Variants in RNF220 observed in about 807,000 individuals in gnomAD.
RNF220 encodes ring finger protein 220, also known as E3 ubiquitin-protein ligase RNF220.
RNF220 carries 7 observed loss-of-function variants against 67.1 expected under a neutral mutation model. The ratio of observed to expected loss-of-function variants is 0.10; its 90% CI spans 0.06 to 0.20. RNF220 has a LOEUF of 0.20. Ranked by LOEUF, RNF220 falls within the 10% of genes least tolerant of loss-of-function variation. The pLI is 1.00. For missense variants in RNF220, 565 were observed against 740.3 expected, an observed-to-expected ratio of 0.76 and a Z score of 2.75; for synonymous variants, 270 against 283.2, an observed-to-expected ratio of 0.95 and a Z score of 0.47.
chr1:44,579,752 G>C (rs774540323), intron 2 of RNF220, among the ~76,000 whole-genome samples: 9 of 152,170 alleles, frequency 5.9e-5, no homozygotes, highest in Non-Finnish European at 1.2e-4. Context: ...TCCTGAAGAA[G>C]TTGTTCCAGG....
In RNF220 at chr1:44,417,053, A is replaced by G. The variant is rs1042665371; in HGVS notation, c.625+4331A>G. ...GGACTGGGGTGGGCAGGGACTCTAC[A>G]CTGGGCTTTTAGGAGAGTTGTTCTT... On this transcript the variant is annotated intron_variant, in intron 2 of 14. Coordinates refer to ENST00000361799, the MANE Select transcript of RNF220 (RefSeq NM_018150.4). This position sits in a 1 kb window ranked among gnomAD's most constrained non-coding sequence, Gnocchi z 4.0. 6.6e-5 allele frequency among the ~76,000 whole-genome samples: 10 copies of G among 152,046 alleles called. No individual in the cohort carries two copies. Among genetic ancestry groups the G allele is most frequent in the Admixed American group, 2.6e-4 (4 of 15,268 alleles).
rs565544038 is a variant in RNF220, at chr1:44,439,328, G to C, written c.625+26606G>C. ...TAAACATTTTTTAAAACACTTATTG[G>C]GATTAGTTTATCTTCTTTTTTGAAT... On this transcript the variant is annotated intron_variant, in intron 2 of 14. Coordinates refer to ENST00000361799, the MANE Select transcript of RNF220 (RefSeq NM_018150.4). 2.6e-5 allele frequency among the ~76,000 whole-genome samples: 4 copies of C among 151,822 alleles called. No homozygotes were observed. In the South Asian group the frequency reaches 8.3e-4, roughly 32 times the overall value.
intron 2 of RNF220, among the ~76,000 whole-genome samples, chr1:44,470,107 T>TA (rs1360726976): frequency 2.6e-5 from 4 of 152,104 alleles, no homozygotes; most frequent in Non-Finnish European, 5.9e-5. Flanking sequence ...GCAGATAAAG[T>TA]AGACAGGAGA....
Position 44,412,018 on chromosome 1 carries a change from C to T in RNF220, c.-80C>T. The T allele has an allele frequency of 6.7e-7, 1 of 1,500,098 alleles. No homozygotes were observed. Among genetic ancestry groups the T allele is most frequent in the South Asian group, 1.3e-5 (1 of 76,814 alleles). The allele number at this position is 1,500,098 out of a possible 1,614,324, so 92.9% of individuals were successfully genotyped here. On this transcript the variant is annotated 5_prime_UTR_variant, in exon 2 of 15. Transcript: ENST00000361799. This position sits in a 1 kb window ranked among gnomAD's most constrained non-coding sequence, Gnocchi z 5.3. The stretch of plus-strand genomic sequence containing the variant: ...AATGATTCCCCAGTAATATTCCCTG[C>T]CCTGACCCAAAGTGCTGGTTGGCCT...
chr1:44,541,591 G>A (rs1027185167), intron 2 of RNF220, among the ~76,000 whole-genome samples: 6 of 152,204 alleles, frequency 3.9e-5, no homozygotes, highest in Admixed American at 1.3e-4. Context: ...AGCACTAACT[G>A]GAAGGTTCCT....
At chr1:44,520,861 T>C (rs1327797801) in intron 2 of RNF220, among the ~76,000 whole-genome samples, 1 of 152,188 alleles carries the variant, frequency 6.6e-6, no homozygotes, top group Admixed American at 6.5e-5. Flanking sequence ...TTTATAGGAA[T>C]GCTAATAAAC....
intron 2 of RNF220, among the ~76,000 whole-genome samples, chr1:44,612,320 A>G (rs755202616): frequency 1.3e-5 from 2 of 152,230 alleles, no homozygotes; most frequent in Non-Finnish European, 2.9e-5. Context: ...TAAATTGTCT[A>G]TAAATATAAA....
At chr1:44,499,085 A>G (rs1307432996) in intron 2 of RNF220, among the ~76,000 whole-genome samples, 1 of 152,010 alleles carries the variant, frequency 6.6e-6, no homozygotes, top group Non-Finnish European at 1.5e-5. Context: ...ACTGCACCCT[A>G]TTGACCCTGC....
At chr1:44,580,500 G>C (rs1665191569) in intron 2 of RNF220, among the ~76,000 whole-genome samples, 1 of 152,242 alleles carries the variant, frequency 6.6e-6, no homozygotes, top group Non-Finnish European at 1.5e-5. Flanking sequence ...CTGAGCCCAA[G>C]AGTTTAAACA....
chr1:44,559,661 G>T (rs1663409994), intron 2 of RNF220, among the ~76,000 whole-genome samples: 1 of 152,148 alleles, frequency 6.6e-6, no homozygotes, highest in Admixed American at 6.5e-5. Context: ...GGAAGAGGGG[G>T]CCACGGCCCT....
intron 2 of RNF220, among the ~76,000 whole-genome samples, chr1:44,551,975 C>T (rs1024081363): frequency 2.0e-5 from 3 of 152,194 alleles, no homozygotes; most frequent in African/African-American, 7.2e-5. Flanking sequence ...GGGCCTGACT[C>T]CAAGCTGGAA....
chr1:44,597,740 T>C (rs1666622490), intron 2 of RNF220, among the ~76,000 whole-genome samples: 1 of 152,010 alleles, frequency 6.6e-6, no homozygotes, highest in African/African-American at 2.4e-5. Context: ...CACCCCTCTC[T>C]CAGCCACACT....
At chr1:44,557,959 C>T (rs1426954645) in intron 2 of RNF220, among the ~76,000 whole-genome samples, 6 of 152,208 alleles carry the variant, frequency 3.9e-5, no homozygotes, top group African/African-American at 7.2e-5. Context: ...CAGAGTGCCA[C>T]GGCTGAGCCC....
chr1:44,570,935 A>G (rs1422980625), intron 2 of RNF220, among the ~76,000 whole-genome samples: 2 of 152,090 alleles, frequency 1.3e-5, no homozygotes, highest in African/African-American at 2.4e-5. Flanking sequence ...TTAGCTGGGC[A>G]TGGTGGTGCG....
At chr1:44,607,732 G>T (rs200812006) in intron 2 of RNF220, among the ~76,000 whole-genome samples, 1 of 151,574 alleles carries the variant, frequency 6.6e-6, no homozygotes. Flanking sequence ...CTCGTGATCC[G>T]CCCGCCTCGG....
chr1:44,514,893 T>C (rs756061605), intron 2 of RNF220, among the ~76,000 whole-genome samples: 17 of 152,084 alleles, frequency 1.1e-4, no homozygotes, highest in Non-Finnish European at 2.1e-4. Flanking sequence ...GATGCAAAGA[T>C]TGGCACGTCC....
At chr1:44,564,986 A>G (rs1364544814) in intron 2 of RNF220, among the ~76,000 whole-genome samples, 3 of 151,484 alleles carry the variant, frequency 2.0e-5, no homozygotes, top group Non-Finnish European at 4.4e-5. Flanking sequence ...TCAACTCTTT[A>G]TCCCCTGCAC....
intron 2 of RNF220, among the ~76,000 whole-genome samples, chr1:44,414,767 T>C (rs918209804): frequency 1.3e-5 from 2 of 152,094 alleles, no homozygotes; most frequent in African/African-American, 2.4e-5. Flanking sequence ...TGCGGTGTTA[T>C]ACAAATTGGA....
chr1:44,467,872 T>A (rs1654422566), intron 2 of RNF220, among the ~76,000 whole-genome samples: 1 of 152,192 alleles, frequency 6.6e-6, no homozygotes. Context: ...TGTGGCTCTT[T>A]CTTTCACTTG....
Sources: gnomAD v4.1 joint callset for allele counts (sites outside exome capture counted in the v4.1 genomes callset) on GRCh38, gnomAD v4.1.1 for gene constraint, Gnocchi (gnomAD v3.1) non-coding constraint, MANE v1.5 for transcripts, NCBI Gene and HGNC (gene_info 2026-07-23, HGNC 2026-07-21) for gene names.